The following IARS1 variants were observed in gnomAD, a reference collection of about 807,000 sequenced individuals.
IARS1 encodes isoleucyl-tRNA synthetase 1, also known as isoleucine--tRNA ligase, cytoplasmic.
A neutral mutation model predicts 168.2 loss-of-function variants in IARS1; 124 were observed. The observed-to-expected ratio is 0.74, with a 90% confidence interval of 0.64 to 0.86. The LOEUF (loss-of-function observed/expected upper bound fraction) is 0.86, where lower values mean the gene tolerates loss of function less well. Among genes scored for constraint, IARS1 ranks in the 40% least tolerant of loss-of-function variants. IARS1 has a pLI of 0.00. For synonymous variants in IARS1, 532 were observed against 529.4 expected (o/e 1.00, Z -0.07); for missense variants, 1,452 against 1,515.8 (o/e 0.96, Z 0.70).
Position 92,262,990 on chromosome 9 carries a change from A to C in IARS1, c.1766T>G (p.Val589Gly). The C allele has an allele frequency of 6.2e-7, 1 of 1,613,976 alleles. No individual in the cohort carries two copies. Among genetic ancestry groups the C allele is most frequent in the Non-Finnish European group, 8.5e-7 (1 of 1,179,858 alleles). ...FGQPPFKNVI[V>G]NGLVLASDGQ... is the part of the protein sequence containing the mutation. ...CTACCTTGCCAGGACAAGCCCATTC[A>C]CAATTACGTTCTTGAAAGGCGGTTG... The change falls in exon 17 of 34, where the codon GTG (valine) becomes GGG (glycine). Residue 589 changes from valine to glycine, a missense_variant. Coordinates refer to ENST00000443024, the MANE Select transcript of IARS1 (RefSeq NM_002161.6).
intron 20 of IARS1, among the ~76,000 whole-genome samples, chr9:92,255,902 A>G (rs1830647765): frequency 6.6e-6 from 1 of 152,220 alleles, no homozygotes; most frequent in African/African-American, 2.4e-5. Flanking sequence ...CAACACAAAG[A>G]TATGATAAAT....
At chr9:92,257,773 T>A (rs1830932449) in intron 19 of IARS1, among the ~76,000 whole-genome samples, 1 of 152,204 alleles carries the variant, frequency 6.6e-6, no homozygotes, top group African/African-American at 2.4e-5. Context: ...AGGAATAATA[T>A]CTCATTTTCA....
chr9:92,264,511 T>C (rs1832003160), intron 16 of IARS1, among the ~76,000 whole-genome samples: 1 of 152,174 alleles, frequency 6.6e-6, no homozygotes, highest in Non-Finnish European at 1.5e-5. Context: ...TTTTAGAATG[T>C]TGATTTATAA....
chr9:92,225,988 C>T (rs1294842951), intron 31 of IARS1, among the ~76,000 whole-genome samples: 3 of 152,190 alleles, frequency 2.0e-5, no homozygotes, highest in African/African-American at 7.2e-5. Flanking sequence ...GTTTCTTCTG[C>T]AAGGCACCTG....
At chr9:92,226,151 C>CT (rs1825640111) in intron 31 of IARS1, among the ~76,000 whole-genome samples, 1 of 152,244 alleles carries the variant, frequency 6.6e-6, no homozygotes. Flanking sequence ...TCTCAGACCT[C>CT]TAACTTGCTA....
rs1172489527 is a variant in IARS1, at chr9:92,250,727, C to G, written c.2415G>C (p.Met805Ile). 11 of 1,610,692 alleles carry G rather than the reference C, an allele frequency of 6.8e-6. No individual in the cohort carries two copies. The highest frequency in any genetic ancestry group is 4.5e-5 in the East Asian group (2 of 44,860). The change falls in exon 23 of 34, where the codon ATG becomes ATC. Residue 805 changes from methionine to isoleucine, a missense_variant. By Grantham distance (10) the Met-to-Ile change is conservative. Transcript: ENST00000443024. ...TTGAGTCCTACCGAACACGGGGCAG[C>G]ATGAGGTAGTGAATGCTGAGTGTGT... is the stretch of plus-strand genomic sequence containing the variant. ...DKDTLSIHYL[M>I]LPRVREELID... is the part of the protein sequence containing the mutation.
chr9:92,251,093 G>C (rs544261515), intron 22 of IARS1: 7 of 517,102 alleles, frequency 1.4e-5, no homozygotes, highest in African/African-American at 1.3e-4. Context: ...AGCACCTAAT[G>C]ATGTATCAGC....
intron 30 of IARS1, chr9:92,240,456 G>T (rs1025243539): frequency 2.3e-4 from 124 of 529,770 alleles, no homozygotes; most frequent in Non-Finnish European, 3.7e-5. Context: ...TAGAGACAGG[G>T]TTTCACCATG....
At chr9:92,214,298 G>A (rs1022654157) in intron 33 of IARS1, among the ~76,000 whole-genome samples, 3 of 151,652 alleles carry the variant, frequency 2.0e-5, no homozygotes, top group African/African-American at 4.8e-5. Flanking sequence ...GCTCACCCCC[G>A]TAATCCCAGC....
chr9:92,238,079 T>C (rs899423304), intron 30 of IARS1, among the ~76,000 whole-genome samples: 4 of 152,114 alleles, frequency 2.6e-5, no homozygotes, highest in Non-Finnish European at 5.9e-5. Flanking sequence ...CTAATTTTTG[T>C]ATTTTTAGTA....
chr9:92,287,189 CACATTGAGAG>C (rs1835593691), intron 4 of IARS1, among the ~76,000 whole-genome samples: 1 of 152,206 alleles, frequency 6.6e-6, no homozygotes, highest in Non-Finnish European at 1.5e-5. Flanking sequence ...GGAAACCTCA[CACATTGAGAG>C]ACATTATAGA....
intron 30 of IARS1, among the ~76,000 whole-genome samples, chr9:92,237,445 G>T (rs1408691790): frequency 1.3e-5 from 2 of 152,160 alleles, no homozygotes; most frequent in Non-Finnish European, 2.9e-5. Context: ...TATGGCCCAG[G>T]TTATAATGTA....
chr9:92,211,056 G>A (rs1837664254), intron 33 of IARS1, among the ~76,000 whole-genome samples, 167 bp from the exon 34 acceptor site: 1 of 152,160 alleles, frequency 6.6e-6, no homozygotes. Flanking sequence ...GGAATTTCCT[G>A]GTAGGAATCT....
Position 92,269,970 on chromosome 9 carries a change from G to C in IARS1, c.1219C>G (p.Leu407Val), listed in dbSNP as rs1832785121. ...CAGCTGGGCACTGCTTTGTAAATTAGAGGAGTGTCTGATCTGGGGAAGCAG... is the reference window on the plus strand; with the variant it reads ...CAGCTGGGCACTGCTTTGTAAATTACAGGAGTGTCTGATCTGGGGAAGCAG... ...YPFCWRSDTP[L>V]IYKAVPSWFV... The change falls in exon 13 of 34, where the codon CTA becomes GTA. Residue 407 changes from leucine (L) to valine (V), a missense_variant. Physicochemically the swap from Leu to Val is conservative, Grantham distance 32. Transcript: ENST00000443024. 1.2e-6 allele frequency: 2 copies of C among 1,612,554 alleles called. No individual in the cohort carries two copies. Among genetic ancestry groups the C allele is most frequent in the Admixed American group, 1.7e-5 (1 of 59,998 alleles).
chr9:92,214,597 T>C (rs1184203220), intron 33 of IARS1, among the ~76,000 whole-genome samples: 2 of 152,198 alleles, frequency 1.3e-5, no homozygotes, highest in Non-Finnish European at 2.9e-5. Context: ...GGCGAGGCAT[T>C]GCCTCACTTG....
intron 28 of IARS1, chr9:92,242,824 G>A (rs964463834): frequency 4.7e-6 from 1 of 213,442 alleles, no homozygotes; most frequent in Non-Finnish European, 9.4e-6. Flanking sequence ...TCTCTAATAA[G>A]GAAAAACTAC....
At chr9:92,239,444 T>C (rs749823766) in intron 30 of IARS1, among the ~76,000 whole-genome samples, 7 of 152,222 alleles carry the variant, frequency 4.6e-5, no homozygotes, top group Admixed American at 2.0e-4. Flanking sequence ...TTAGGTGTTA[T>C]ATCTTTTTCA....
chr9:92,240,426 G>A (rs895297895), intron 30 of IARS1: 4 of 462,784 alleles, frequency 8.6e-6, no homozygotes, highest in South Asian at 3.5e-5. Context: ...ACCATGCCTG[G>A]CTAATTTTGG....
intron 20 of IARS1, among the ~76,000 whole-genome samples, chr9:92,255,756 A>T (rs1830627578): frequency 6.6e-6 from 1 of 152,222 alleles, no homozygotes; most frequent in Non-Finnish European, 1.5e-5. Flanking sequence ...ACTACTGGGC[A>T]TTCTGCAGAT....
Sources: allele counts gnomAD v4.1 joint callset (sites outside exome capture counted in the v4.1 genomes callset), GRCh38; gene constraint gnomAD v4.1.1; transcripts MANE v1.5; gene names NCBI Gene and HGNC (gene_info 2026-07-23, HGNC 2026-07-21).